RALGAPA2: variants seen among roughly 807,000 people sequenced by gnomAD.
The protein encoded by RALGAPA2 is Ral GTPase activating protein catalytic subunit alpha 2.
Under a neutral mutation model 230.4 loss-of-function variants are expected in RALGAPA2, and 139 were observed. The observed-to-expected ratio is 0.60, with a 90% CI of 0.53 to 0.69. The LOEUF (loss-of-function observed/expected upper bound fraction) is 0.69, where lower values mean the gene tolerates loss of function less well. RALGAPA2 is among the 30% of genes least tolerant of loss of function. The probability of loss-of-function intolerance (pLI) is 0.00; values close to 1 mark genes in which losing one functional copy is unlikely to be tolerated. For synonymous variants in RALGAPA2, 847 were observed against 837.8 expected (o/e 1.01, Z -0.19); for missense variants, 2,163 against 2,276.0 (o/e 0.95, Z 1.01).
At chr20:20,588,366 A>C (rs2065192457) in intron 18 of RALGAPA2, among the ~76,000 whole-genome samples, 1 of 152,254 alleles carries the variant, frequency 6.6e-6, no homozygotes, top group African/African-American at 2.4e-5. Context: ...CAAAGCAACA[A>C]TACTTTATTA....
chr20:20,565,243 T>C (rs1265621048), intron 23 of RALGAPA2, among the ~76,000 whole-genome samples: 2 of 152,258 alleles, frequency 1.3e-5, no homozygotes, highest in Non-Finnish European at 2.9e-5. Context: ...TACTCACTTA[T>C]GTTTCACCTT....
chr20:20,492,396 A>C (rs2062083030), intron 36 of RALGAPA2, among the ~76,000 whole-genome samples: 1 of 152,188 alleles, frequency 6.6e-6, no homozygotes. Context: ...CAAAAGGAAT[A>C]TTCCTTAACT....
intron 20 of RALGAPA2, among the ~76,000 whole-genome samples, chr20:20,579,198 T>C (rs368352987): frequency 2.6e-5 from 4 of 152,212 alleles, no homozygotes; most frequent in Non-Finnish European, 4.4e-5. Context: ...AATTGTCTTA[T>C]GTATTATTTC....
At chr20:20,630,783 C>T (rs1039645476) in intron 9 of RALGAPA2, among the ~76,000 whole-genome samples, 1 of 152,144 alleles carries the variant, frequency 6.6e-6, no homozygotes, top group African/African-American at 2.4e-5. Flanking sequence ...ACCCACGCAA[C>T]GCACTTGGAT....
At chr20:20,590,501 TTAAC>T (rs2065256328) in intron 17 of RALGAPA2, among the ~76,000 whole-genome samples, 1 of 152,204 alleles carries the variant, frequency 6.6e-6, no homozygotes, top group African/African-American at 2.4e-5. Flanking sequence ...AGTTGATTTC[TTAAC>T]TAATTCATGA....
intron 1 of RALGAPA2, among the ~76,000 whole-genome samples, chr20:20,694,691 T>C (rs2069042466): frequency 6.6e-6 from 1 of 152,116 alleles, no homozygotes. Flanking sequence ...TGTGGAAAAA[T>C]ATCCAAGGCT....
At chr20:20,417,800 A>AT (rs2060195760) in intron 37 of RALGAPA2, among the ~76,000 whole-genome samples, 1 of 152,240 alleles carries the variant, frequency 6.6e-6, no homozygotes, top group Non-Finnish European at 1.5e-5. Flanking sequence ...GAAGGCCTGA[A>AT]ATTCGTGTCC....
chr20:20,709,182 G>A (rs1463485002), intron 1 of RALGAPA2, among the ~76,000 whole-genome samples: 1 of 152,144 alleles, frequency 6.6e-6, no homozygotes, highest in East Asian at 1.9e-4. Context: ...AGCCAGGCAT[G>A]GTGGTACACA....
chr20:20,497,268 C>T (rs1306840470), intron 35 of RALGAPA2, among the ~76,000 whole-genome samples: 2 of 152,232 alleles, frequency 1.3e-5, no homozygotes, highest in South Asian at 4.1e-4. Context: ...TCCTAAAATT[C>T]AGTCCTTTTG....
intron 36 of RALGAPA2, among the ~76,000 whole-genome samples, chr20:20,487,566 G>A (rs142702163): frequency 4.8e-3 from 733 of 152,268 alleles, no homozygotes; most frequent in Middle Eastern, 0.01. Flanking sequence ...ACTAGAAGGC[G>A]TTGGTATTAA....
chr20:20,640,716 G>C lies in RALGAPA2; in HGVS notation c.535C>G (p.Pro179Ala), dbSNP rs1213945298. The change falls in exon 6 of 40, where the codon CCT becomes GCT. Residue 179 changes from proline (P) to alanine (A), a missense_variant. Coordinates refer to ENST00000202677, the MANE Select transcript of RALGAPA2 (RefSeq NM_020343.4). ...CTLETLINPS[P>A]SVADVKIYPE... ...CATAACTTACCATCAGCTACACTAG[G>C]GCTGGGATTGATGAGTGTCTCCAGT... is the stretch of plus-strand genomic sequence containing the variant. 1.9e-6 allele frequency: 3 copies of C among 1,613,216 alleles called. No homozygotes were observed. Among genetic ancestry groups the C allele is most frequent in the Non-Finnish European group, 2.5e-6 (3 of 1,179,488 alleles).
chr20:20,449,028 C>A (rs1000423022), intron 37 of RALGAPA2, among the ~76,000 whole-genome samples: 1 of 152,190 alleles, frequency 6.6e-6, no homozygotes, highest in Admixed American at 6.5e-5. Context: ...AGACAGAGAG[C>A]TTTTCACAGG....
chr20:20,594,814 C>T lies in RALGAPA2; in HGVS notation c.2204-3500G>A, dbSNP rs1208906714. 2.6e-5 allele frequency among the ~76,000 whole-genome samples: 4 copies of T among 151,156 alleles called. No individual in the cohort carries two copies. The South Asian group carries it at 8.4e-4, about 32-fold the overall frequency. On this transcript the variant is annotated intron_variant, in intron 16 of 39. Coordinates refer to ENST00000202677, the MANE Select transcript of RALGAPA2 (RefSeq NM_020343.4). ...CGTGATCTTGACTCACTGCAAGCTC[C>T]ACCTCCCAAGTTCATGGCATTCTCC...
intron 2 of RALGAPA2, among the ~76,000 whole-genome samples, chr20:20,679,180 AAC>A (rs1289083636): frequency 1.3e-5 from 2 of 152,018 alleles, no homozygotes; most frequent in African/African-American, 4.8e-5. Context: ...ATGCACCTCA[AAC>A]ACAGACTGCC....
At chr20:20,413,623 C>T (rs1000651219) in intron 37 of RALGAPA2, among the ~76,000 whole-genome samples, 1 of 152,220 alleles carries the variant, frequency 6.6e-6, no homozygotes, top group Non-Finnish European at 1.5e-5. Flanking sequence ...GGGTTCTATA[C>T]TGGATCGCAC....
In RALGAPA2 at chr20:20,395,631, C is replaced by T. The variant is rs1021585902; in HGVS notation, c.*35+1064G>A. ...CTCGTGTCACCTGTTGGGGCTGACACGAGTGAGCCCAGTTTGGGACAATAT... is the reference window on the plus strand; with the variant it reads ...CTCGTGTCACCTGTTGGGGCTGACATGAGTGAGCCCAGTTTGGGACAATAT... On this transcript the variant is annotated intron_variant, in intron 39 of 39. Transcript: ENST00000202677. Among the ~76,000 whole-genome samples the T allele has an allele frequency of 6.6e-5, 10 of 152,204 alleles. No individual in the cohort carries two copies. In the East Asian group the frequency reaches 1.2e-3, roughly 18 times the overall value.
rs558953545 is a variant in RALGAPA2, at chr20:20,640,718, C to G, written c.533G>C (p.Ser178Thr). ...PCTLETLINP[S>T]PSVADVKIYP... ...TAACTTACCATCAGCTACACTAGGG[C>G]TGGGATTGATGAGTGTCTCCAGTGT... Residue 178 changes from serine to threonine, a missense_variant, in exon 6 of 40, where the codon AGC (serine) becomes ACC (threonine). Transcript: ENST00000202677. The G allele has an allele frequency of 1.7e-5, 27 of 1,613,364 alleles. No individual in the cohort carries two copies. In the African/African-American group the frequency reaches 3.1e-4, roughly 18 times the overall value.
At position 20,558,375 on chromosome 20, in the gene RALGAPA2, C is replaced by A. The variant is rs540206544; in HGVS notation, c.3157-11543G>T. ...TTTTTCTTTCATCTCACTCACTTTA[C>A]CTAATAATCATTTAAAAATGCAAAT... On this transcript the variant is annotated intron_variant, in intron 23 of 39. Transcript: ENST00000202677. Among the ~76,000 whole-genome samples, 116 of 152,294 alleles carry A rather than the reference C, an allele frequency of 7.6e-4. 1 individual carries two copies. Among genetic ancestry groups the A allele is most frequent in the African/African-American group, 2.7e-3 (112 of 41,572 alleles).
At chr20:20,589,485 C>A in intron 17 of RALGAPA2, 120 bp from the exon 18 acceptor site, 1 of 1,129,654 alleles carries the variant, frequency 8.9e-7, no homozygotes. Flanking sequence ...TATGTAAAAA[C>A]AGGAGTTATG....
Sources: allele counts gnomAD v4.1 joint callset (sites outside exome capture counted in the v4.1 genomes callset), GRCh38; gene constraint gnomAD v4.1.1; transcripts MANE v1.5; gene names NCBI Gene and HGNC (gene_info 2026-07-23, HGNC 2026-07-21).